TUBG2: variants seen among roughly 807,000 people sequenced by gnomAD.
The protein encoded by TUBG2 is tubulin gamma-2 chain.
In TUBG2, 39 loss-of-function variants were observed where a neutral mutation model predicts 55.1. The observed-to-expected ratio is 0.71, with a 90% CI of 0.55 to 0.93. The LOEUF is 0.93. Ranked by LOEUF, TUBG2 falls within the 40% of genes least tolerant of loss-of-function variation. The pLI, the probability that TUBG2 is intolerant of heterozygous loss-of-function variation, is 0.00. For missense variants in TUBG2, 358 were observed against 599.1 expected, an observed-to-expected ratio of 0.60 and a Z score of 4.20; for synonymous variants, 223 against 241.0, an observed-to-expected ratio of 0.93 and a Z score of 0.69.
chr17:42,660,617 C>A (rs1472575682), intron 3 of TUBG2, 22 bp from the exon 4 acceptor site: 1 of 1,610,308 alleles, frequency 6.2e-7, no homozygotes, highest in Admixed American at 1.7e-5. Flanking sequence ...GCCTGACCCT[C>A]CCTTTCCATA....
chr17:42,662,280 G>A (rs957678762), intron 4 of TUBG2, among the ~76,000 whole-genome samples: 3 of 152,060 alleles, frequency 2.0e-5, no homozygotes, highest in African/African-American at 4.8e-5. Context: ...CTGCAGTCTG[G>A]GGGACTGAGT....
Position 42,665,661 on chromosome 17 carries a change from G to A in TUBG2, c.694-17G>A. 3.1e-6 allele frequency: 5 copies of A among 1,614,074 alleles called. No homozygotes were observed. Among genetic ancestry groups the A allele is most frequent in the Non-Finnish European group, 4.2e-6 (5 of 1,179,990 alleles). On this transcript the variant is annotated splice_polypyrimidine_tract_variant and intron_variant, in intron 7 of 10. Transcript: ENST00000251412. The stretch of plus-strand genomic sequence containing the variant: ...CCACCCAGGCCGAGCCCCATGACAT[G>A]GCACGCCTGTCCCCAGGTGTCCACC...
intron 6 of TUBG2, among the ~76,000 whole-genome samples, chr17:42,664,556 A>T (rs967392452): frequency 1.3e-5 from 2 of 152,122 alleles, no homozygotes; most frequent in Non-Finnish European, 2.9e-5. Flanking sequence ...GCTCAAGGAT[A>T]ACTTTCTTAG....
rs780734548 is a variant in TUBG2 at position 42,666,095 on chromosome 17, C to T, written c.852C>T (p.Ser284=). The change falls in exon 9 of 11, where the codon AGC becomes AGT. Residue 284 remains serine, a synonymous_variant. Transcript: ENST00000251412. The part of the protein sequence containing the change: ...TPLTTDQSVA[S]VRKTTVLDVM... ...TCTCACTGTCCCATCAGGTGGCCAG[C>T]GTGAGGAAGACCACGGTCCTGGATG... 1.4e-5 allele frequency: 23 copies of T among 1,613,866 alleles called. No individual in the cohort carries two copies. The Admixed American group carries it at 2.8e-4, about 20-fold the overall frequency.
intron 7 of TUBG2, 58 bp downstream of exon 7, chr17:42,665,620 C>T: frequency 4.3e-6 from 7 of 1,614,112 alleles, no homozygotes; most frequent in Non-Finnish European, 5.9e-6. Context: ...GGAGGGTCAT[C>T]TGGGGAAGGA....
rs1483979449 is a variant in TUBG2 at position 42,663,183 on chromosome 17, T to C, written c.479+131T>C. ...GGGACAGACCCACCCAAGGACCATG[T>C]TGGAAGCTATTTTGGGGGGTGGGGG... On this transcript the variant is annotated intron_variant, in intron 5 of 10. Coordinates refer to ENST00000251412, the MANE Select transcript of TUBG2 (RefSeq NM_016437.3). 5 of 1,256,626 alleles carry C rather than the reference T, an allele frequency of 4.0e-6. No individual in the cohort carries two copies. In the African/African-American group the frequency reaches 7.5e-5, roughly 19 times the overall value. The allele number at this position is 1,256,626 out of a possible 1,614,324, so 77.8% of individuals were successfully genotyped here.
At chr17:42,666,038 G>A in intron 8 of TUBG2, 49 bp from the exon 9 acceptor site, 4 of 1,612,488 alleles carry the variant, frequency 2.5e-6, no homozygotes, top group Non-Finnish European at 2.5e-6. Context: ...GAAGCCAAAG[G>A]GACTGTGCCC....
At chr17:42,664,947 A>C (rs982781507) in intron 6 of TUBG2, among the ~76,000 whole-genome samples, 2 of 148,572 alleles carry the variant, frequency 1.3e-5, no homozygotes, top group Admixed American at 1.3e-4. Context: ...CTGGTGTCCA[A>C]CTCCTGGCCT....
intron 6 of TUBG2, among the ~76,000 whole-genome samples, chr17:42,665,170 C>T (rs1035384525): frequency 2.6e-5 from 4 of 152,122 alleles, no homozygotes; most frequent in Admixed American, 2.6e-4. Flanking sequence ...GCCTCAGCCT[C>T]CGAATTAGCT....
chr17:42,662,560 C>A (rs142523601), intron 4 of TUBG2, among the ~76,000 whole-genome samples: 2 of 151,124 alleles, frequency 1.3e-5, no homozygotes, highest in African/African-American at 4.9e-5. Flanking sequence ...GAGCCAAGAT[C>A]GGGCCATTGC....
chr17:42,666,972 C>T lies in TUBG2; in HGVS notation c.*172C>T, dbSNP rs1332882439. The T allele has an allele frequency of 3.0e-6, 2 of 658,570 alleles. No homozygotes were observed. The highest frequency in any genetic ancestry group is 2.8e-5 in the East Asian group (1 of 36,080). The allele number at this position is 658,570 out of a possible 1,614,324, so 40.8% of individuals were successfully genotyped here. A position where few individuals can be genotyped will look rare whatever the true frequency, so the allele number is the denominator to read the frequency against. On this transcript the variant is annotated 3_prime_UTR_variant, in exon 11 of 11. Coordinates refer to ENST00000251412, the MANE Select transcript of TUBG2 (RefSeq NM_016437.3). ...CCTAACTTTTAATATGCTTGTTCAGCTCTAATAAAGTAATAAAGCTTGGTT... is the reference window on the plus strand; with the variant it reads ...CCTAACTTTTAATATGCTTGTTCAGTTCTAATAAAGTAATAAAGCTTGGTT...
intron 6 of TUBG2, 63 bp downstream of exon 6, chr17:42,663,566 G>C (rs920539139): frequency 1.1e-5 from 18 of 1,595,440 alleles, no homozygotes; most frequent in Non-Finnish European, 1.5e-5. Flanking sequence ...CTAGCACTTT[G>C]GGAGGCCTAG....
At chr17:42,660,602 C>A in intron 3 of TUBG2, 37 bp from the exon 4 acceptor site, 2 of 1,590,258 alleles carry the variant, frequency 1.3e-6, no homozygotes, top group South Asian at 1.1e-5. Context: ...TCTCTGGAAC[C>A]TTTGGCCTGA....
At chr17:42,664,817 C>G (rs1028794482) in intron 6 of TUBG2, among the ~76,000 whole-genome samples, 1 of 141,434 alleles carries the variant, frequency 7.1e-6, no homozygotes, top group Non-Finnish European at 1.5e-5. Context: ...GCCCCAGAAA[C>G]AGTACTTTTC....
At chr17:42,659,640 C>T (rs756112828) in intron 1 of TUBG2, 88 bp downstream of exon 1, 2 of 1,434,246 alleles carry the variant, frequency 1.4e-6, no homozygotes, top group African/African-American at 1.4e-5. Flanking sequence ...GTCCCCCTTT[C>T]CCTTCCATGA....
chr17:42,660,072 A>C, intron 2 of TUBG2, 77 bp from the exon 3 acceptor site: 3 of 1,319,334 alleles, frequency 2.3e-6, no homozygotes, highest in Non-Finnish European at 3.1e-6. Flanking sequence ...GGAGGGCCGG[A>C]GGGAGCCAGA....
rs770914482 is a variant in TUBG2, at chr17:42,660,259, C to T, written c.273C>T (p.Ile91=). Residue 91 remains isoleucine (I), a synonymous_variant, in exon 3 of 11, where the codon ATC becomes ATT. Coordinates refer to ENST00000251412, the MANE Select transcript of TUBG2 (RefSeq NM_016437.3). The stretch of plus-strand genomic sequence containing the variant: ...CCAAGCTCTACAACCCAGAGAACAT[C>T]TACCTGTCGGAACATGGAGGAGGAG... The part of the protein sequence containing the change: ...PYAKLYNPEN[I]YLSEHGGGAG... 1.2e-6 allele frequency: 2 copies of T among 1,613,862 alleles called. No individual in the cohort carries two copies. The highest frequency in any genetic ancestry group is 1.3e-5 in the African/African-American group (1 of 74,826).
In TUBG2 at chr17:42,665,806, C is replaced by G. The variant is rs938542111; in HGVS notation, c.822C>G (p.Thr274=). The change falls in exon 8 of 11, where the codon ACC becomes ACG. Residue 274 remains threonine, a synonymous_variant. Transcript: ENST00000251412. ...TCCACTTCCTCATGACCGGCTACACCCCGCTCACTACAGACCAGTCAGTAA... is the reference window on the plus strand; with the variant it reads ...TCCACTTCCTCATGACCGGCTACACGCCGCTCACTACAGACCAGTCAGTAA... ...PRLHFLMTGY[T]PLTTDQSVAS... The G allele has an allele frequency of 8.1e-6, 13 of 1,614,094 alleles. No individual in the cohort carries two copies. The highest frequency in any genetic ancestry group is 1.1e-5 in the Non-Finnish European group (13 of 1,180,030).
rs994788548 is a variant in TUBG2, at chr17:42,660,269, G to T, written c.283G>T (p.Glu95Ter). 2.5e-6 allele frequency: 4 copies of T among 1,613,928 alleles called. No individual in the cohort carries two copies. The African/African-American group carries it at 5.3e-5, about 22-fold the overall frequency. ...LYNPENIYLSEHGGGAGNNWA... is the reference protein window; with the variant it reads ...LYNPENIYLS The stretch of plus-strand genomic sequence containing the variant: ...CAACCCAGAGAACATCTACCTGTCG[G>T]AACATGGAGGAGGAGCTGGCAACAA... The change falls in exon 3 of 11, where the codon GAA becomes TAA. Residue 95 changes from glutamate (E) to a stop codon, truncating the protein, a stop_gained. Transcript: ENST00000251412. LOFTEE classifies it high-confidence loss of function.
Sources: gnomAD v4.1 joint callset for allele counts (sites outside exome capture counted in the v4.1 genomes callset) on GRCh38, gnomAD v4.1.1 for gene constraint, MANE v1.5 for transcripts, NCBI Gene and HGNC (gene_info 2026-07-23, HGNC 2026-07-21) for gene names.